The following COL12A1 variants were observed in gnomAD, a reference collection of about 807,000 sequenced individuals.
COL12A1 encodes collagen alpha-1(XII) chain.
In COL12A1, 114 loss-of-function variants were observed where a neutral mutation model predicts 349.7. The observed-to-expected ratio is 0.33, with a 90% confidence interval of 0.28 to 0.38. The LOEUF (loss-of-function observed/expected upper bound fraction) is 0.38, where lower values mean the gene tolerates loss of function less well. COL12A1 is among the 10% of genes least tolerant of loss of function. The pLI is 1.00. For missense variants in COL12A1, 3,284 were observed against 3,756.9 expected, an observed-to-expected ratio of 0.87 and a Z score of 3.29; for synonymous variants, 1,369 against 1,329.0, an observed-to-expected ratio of 1.03 and a Z score of -0.66.
intron 49 of COL12A1, 69 bp from the exon 50 acceptor site, chr6:75,113,813 T>C (rs1033492574): frequency 8.3e-7 from 1 of 1,202,168 alleles, no homozygotes; most frequent in East Asian, 2.5e-5. Context: ...GAAAGATTGA[T>C]TGCTTTAACA....
At chr6:75,152,544 G>A in intron 17 of COL12A1, 62 bp from the exon 18 acceptor site, 1 of 1,584,634 alleles carries the variant, frequency 6.3e-7, no homozygotes, top group African/African-American at 1.3e-5. Context: ...GTACTTCCTT[G>A]TCACACCTCT....
At chr6:75,086,950 C>A (rs1767527695) in intron 65 of COL12A1, among the ~76,000 whole-genome samples, 1 of 152,002 alleles carries the variant, frequency 6.6e-6, no homozygotes, top group South Asian at 2.1e-4. Context: ...GAAATGGTCG[C>A]CATTGACCAC....
intron 49 of COL12A1, 94 bp downstream of exon 49, chr6:75,115,690 A>G (rs1769040442): frequency 8.9e-6 from 13 of 1,459,540 alleles, no homozygotes; most frequent in South Asian, 1.4e-5. Flanking sequence ...TCTTCTGACA[A>G]TTCTAAAGTC....
chr6:75,142,480 G>A (rs933581257), intron 26 of COL12A1, among the ~76,000 whole-genome samples: 9 of 152,044 alleles, frequency 5.9e-5, no homozygotes, highest in Non-Finnish European at 8.8e-5. Flanking sequence ...GGTCTCTTAC[G>A]CACAGCATTA....
chr6:75,186,029 G>A (rs1214489786), intron 8 of COL12A1, among the ~76,000 whole-genome samples: 1 of 152,122 alleles, frequency 6.6e-6, no homozygotes, highest in Non-Finnish European at 1.5e-5. Flanking sequence ...AAACAACCTA[G>A]GCAATACCAT....
Position 75,165,504 on chromosome 6 carries a change from T to C in COL12A1, c.2983+3A>G. On this transcript the variant is annotated splice_donor_region_variant and intron_variant, in intron 14 of 65. Coordinates refer to ENST00000322507, the MANE Select transcript of COL12A1 (RefSeq NM_004370.6). Reference sequence around the variant, plus strand: ...ACCCAAACACACCCATAATGTTACCTACATTCAGTTGTGGCATCTCCAGTC... The same window carrying C: ...ACCCAAACACACCCATAATGTTACCCACATTCAGTTGTGGCATCTCCAGTC... 6.2e-7 allele frequency: 1 copy of C among 1,612,738 alleles called. No individual in the cohort carries two copies. The highest frequency in any genetic ancestry group is 1.1e-5 in the South Asian group (1 of 91,042).
intron 57 of COL12A1, 146 bp downstream of exon 57, chr6:75,101,853 G>GTT: frequency 9.7e-7 from 1 of 1,027,940 alleles, no homozygotes; most frequent in Non-Finnish European, 1.5e-6. Context: ...CCAACTTGAA[G>GTT]GTTAAGACCA....
chr6:75,145,611 C>CTT (rs56698330), intron 24 of COL12A1, among the ~76,000 whole-genome samples, 156 bp from the exon 25 acceptor site: 1,609 of 121,108 alleles, frequency 0.013, 19 homozygotes, highest in South Asian at 0.058. Context: ...CTGATGTTTT[C>CTT]TTTTTTTTTT....
intron 20 of COL12A1, 54 bp downstream of exon 20, chr6:75,151,813 T>C: frequency 6.6e-7 from 1 of 1,520,848 alleles, no homozygotes; most frequent in Non-Finnish European, 8.8e-7. Flanking sequence ...CTACGAAAAA[T>C]ATCCTCAGCA....
chr6:75,166,511 G>A (rs1768317468), intron 13 of COL12A1, among the ~76,000 whole-genome samples: 1 of 151,946 alleles, frequency 6.6e-6, no homozygotes. Context: ...CAACCCAAGT[G>A]GAAAAATATG....
chr6:75,190,564 T>C (rs9293997), intron 5 of COL12A1, among the ~76,000 whole-genome samples: 124,868 of 151,846 alleles, frequency 0.82, 52,805 homozygotes, highest in Non-Finnish European at 0.93. Flanking sequence ...ATTATCAAAA[T>C]ACAATGATCA....
At position 75,134,104 on chromosome 6, in the gene COL12A1, C is replaced by T. The variant is rs923422877; in HGVS notation, c.5525-107G>A. On this transcript the variant is annotated intron_variant, in intron 32 of 65. Transcript: ENST00000322507. Reference sequence around the variant, plus strand: ...GCACCCTAGAACATAGCAGGCACCGCACAAACATTTGTTGAAGTAGTGAAT... The same window carrying T: ...GCACCCTAGAACATAGCAGGCACCGTACAAACATTTGTTGAAGTAGTGAAT... 4.8e-6 allele frequency: 6 copies of T among 1,251,942 alleles called. No homozygotes were observed. The African/African-American group carries it at 7.5e-5, about 16-fold the overall frequency. The allele number at this position is 1,251,942 out of a possible 1,614,324, so 77.6% of individuals were successfully genotyped here. A position where few individuals can be genotyped will look rare whatever the true frequency, so the allele number is the denominator to read the frequency against.
chr6:75,113,573 T>A (rs1233928768), intron 50 of COL12A1, 29 bp downstream of exon 50: 1 of 1,589,048 alleles, frequency 6.3e-7, no homozygotes, highest in Non-Finnish European at 8.6e-7. Flanking sequence ...AAACTAAGTA[T>A]GCATGTGCCT....
intron 14 of COL12A1, among the ~76,000 whole-genome samples, chr6:75,163,284 T>G (rs1448056404): frequency 6.6e-6 from 1 of 152,140 alleles, no homozygotes; most frequent in East Asian, 1.9e-4. Flanking sequence ...AGTGACAGAC[T>G]GGATAAAGAA....
rs1273758371 is a variant in COL12A1, at chr6:75,125,164, A to C, written c.6570T>G (p.Ser2190=). 6.2e-7 allele frequency: 1 copy of C among 1,612,322 alleles called. No homozygotes were observed. The highest frequency in any genetic ancestry group is 8.5e-7 in the Non-Finnish European group (1 of 1,179,008). The part of the protein sequence containing the change: ...YDVNVYAQYD[S]GLSVPLTDQG... ...GATCTGTCAAGGGGACACTGAGTCC[A>C]GAATCATATTGAGCATAAACATTCA... The change falls in exon 40 of 66, where the codon TCT becomes TCG. Residue 2190 remains serine (S), a synonymous_variant. Transcript: ENST00000322507.
chr6:75,170,200 AATC>A (rs1406273300), intron 13 of COL12A1, among the ~76,000 whole-genome samples: 2 of 152,240 alleles, frequency 1.3e-5, no homozygotes, highest in African/African-American at 2.4e-5. Flanking sequence ...ATGAAAAATT[AATC>A]ATCATGAAAT....
rs762751416 is a variant in COL12A1 at position 75,113,147 on chromosome 6, T to C, written c.7950+57A>G. On this transcript the variant is annotated intron_variant, in intron 51 of 65. Transcript: ENST00000322507. ...TTTAACATGACATTTTAATAAATAATAAATTTGTTTTATATTTTTTTCTAG... is the reference window on the plus strand; with the variant it reads ...TTTAACATGACATTTTAATAAATAACAAATTTGTTTTATATTTTTTTCTAG... The C allele has an allele frequency of 8.2e-6, 7 of 850,978 alleles. No individual in the cohort carries two copies. The Admixed American group carries it at 1.8e-4, about 22-fold the overall frequency. 52.7% of individuals were successfully genotyped at this position (850,978 alleles called of 1,614,324 possible).
At chr6:75,175,487 A>G (rs1343374967) in intron 12 of COL12A1, among the ~76,000 whole-genome samples, 177 bp from the exon 13 acceptor site, 2 of 152,252 alleles carry the variant, frequency 1.3e-5, no homozygotes, top group African/African-American at 4.8e-5. Flanking sequence ...ATCAGACCCT[A>G]TATGTTAGTA....
chr6:75,117,943 C>G (rs973761014), intron 46 of COL12A1, among the ~76,000 whole-genome samples: 1 of 152,110 alleles, frequency 6.6e-6, no homozygotes, highest in African/African-American at 2.4e-5. Flanking sequence ...GTTCTTGAAA[C>G]TGATTTTCTC....
Sources: gnomAD v4.1 joint callset for allele counts (sites outside exome capture counted in the v4.1 genomes callset) on GRCh38, gnomAD v4.1.1 for gene constraint, MANE v1.5 for transcripts, NCBI Gene and HGNC (gene_info 2026-07-23, HGNC 2026-07-21) for gene names.